Variants in KIAA0825 observed in about 807,000 individuals in gnomAD.
The protein encoded by KIAA0825 is KIAA0825.
In KIAA0825, 119 loss-of-function variants were observed where a neutral mutation model predicts 147.6. The ratio of observed to expected loss-of-function variants is 0.81; its 90% confidence interval spans 0.69 to 0.94. KIAA0825 has a LOEUF of 0.94. Among genes scored for constraint, KIAA0825 ranks in the 40% least tolerant of loss-of-function variants. KIAA0825 has a pLI of 0.00. For missense variants in KIAA0825, 1,381 were observed against 1,472.7 expected (o/e 0.94, Z 1.02); for synonymous variants, 470 against 518.1 (o/e 0.91, Z 1.26).
At chr5:94,208,071 TA>T (rs1346513681) in intron 20 of KIAA0825, among the ~76,000 whole-genome samples, 1 of 152,204 alleles carries the variant, frequency 6.6e-6, no homozygotes, top group Non-Finnish European at 1.5e-5. Flanking sequence ...TAAGGTCATT[TA>T]TTTTTTCCAG....
Position 94,473,495 on chromosome 5 carries a change from T to C in KIAA0825, c.1252A>G (p.Arg418Gly), listed in dbSNP as rs1431848011. The C allele has an allele frequency of 2.6e-6, 4 of 1,551,504 alleles. No homozygotes were observed. The highest frequency in any genetic ancestry group is 2.6e-6 in the Non-Finnish European group (3 of 1,146,820). The part of the protein sequence containing the change: ...KEATLLDFGW[R>G]SAFKEVSLPM... ...AGAGACACTTCTTTAAATGCACTTCTCCAGCCAAAATCTAGTAAGGTAGCC... is the reference window on the plus strand; with the variant it reads ...AGAGACACTTCTTTAAATGCACTTCCCCAGCCAAAATCTAGTAAGGTAGCC... Residue 418 changes from arginine (R) to glycine (G), a missense_variant, in exon 8 of 21, where the codon AGA becomes GGA. Transcript: ENST00000682413.
intron 20 of KIAA0825, among the ~76,000 whole-genome samples, chr5:94,379,532 A>G (rs1000991378): frequency 3.9e-5 from 6 of 152,158 alleles, no homozygotes; most frequent in African/African-American, 1.4e-4. Flanking sequence ...GTCAGGTAAC[A>G]TGATACCTCC....
At chr5:94,478,451 T>TCACACACACACACACA (rs6149119) in intron 6 of KIAA0825, among the ~76,000 whole-genome samples, 1,555 of 146,200 alleles carry the variant, frequency 0.011, 26 homozygotes, top group African/African-American at 0.035. Context: ...CACATGTGCA[T>TCACACACACACACACA]CACACACACA....
chr5:94,574,371 C>T (rs1780563463), intron 2 of KIAA0825, among the ~76,000 whole-genome samples: 2 of 151,804 alleles, frequency 1.3e-5, no homozygotes, highest in Non-Finnish European at 2.9e-5. Flanking sequence ...AGTGAAACCC[C>T]ATCTCCACTA....
intron 1 of KIAA0825, among the ~76,000 whole-genome samples, chr5:94,595,612 T>A (rs1561370916): frequency 6.6e-6 from 1 of 152,226 alleles, no homozygotes; most frequent in East Asian, 1.9e-4. Flanking sequence ...CCTCGTTACT[T>A]ACGCAAATTT....
intron 20 of KIAA0825, among the ~76,000 whole-genome samples, chr5:94,383,308 C>A (rs113726155): frequency 1.3e-5 from 2 of 152,170 alleles, no homozygotes; most frequent in Non-Finnish European, 2.9e-5. Context: ...TAAGCTATAG[C>A]TTTTATTGGC....
At chr5:94,215,994 T>C (rs1015644251) in intron 20 of KIAA0825, among the ~76,000 whole-genome samples, 3 of 152,140 alleles carry the variant, frequency 2.0e-5, no homozygotes, top group Admixed American at 1.3e-4. Context: ...TAGTACTTAT[T>C]ATCTCACTGC....
intron 20 of KIAA0825, among the ~76,000 whole-genome samples, chr5:94,350,553 CCAA>C (rs1783542568): frequency 6.6e-6 from 1 of 152,128 alleles, no homozygotes; most frequent in South Asian, 2.1e-4. Flanking sequence ...CTAACCGAAT[CCAA>C]CAACATATCA....
At chr5:94,590,880 T>A (rs1188040136) in intron 1 of KIAA0825, among the ~76,000 whole-genome samples, 1 of 152,198 alleles carries the variant, frequency 6.6e-6, no homozygotes, top group Non-Finnish European at 1.5e-5. Context: ...TTTAAAAACA[T>A]TTCCATAATC....
intron 20 of KIAA0825, among the ~76,000 whole-genome samples, chr5:94,194,849 C>T (rs901473193): frequency 6.6e-6 from 1 of 152,192 alleles, no homozygotes; most frequent in Non-Finnish European, 1.5e-5. Context: ...CATTTAATCA[C>T]TTCTGTCTTG....
chr5:94,607,164 T>C (rs1442106591), intron 1 of KIAA0825, among the ~76,000 whole-genome samples: 2 of 152,142 alleles, frequency 1.3e-5, no homozygotes, highest in Non-Finnish European at 2.9e-5. Flanking sequence ...ATAGAAAGTA[T>C]GAAGTTATAT....
chr5:94,197,167 G>A (rs967353559), intron 20 of KIAA0825, among the ~76,000 whole-genome samples: 1 of 152,148 alleles, frequency 6.6e-6, no homozygotes, highest in Admixed American at 6.5e-5. Context: ...ATTCTGACTG[G>A]TGTGAGATAG....
At chr5:94,566,069 C>T (rs1243062804) in intron 2 of KIAA0825, among the ~76,000 whole-genome samples, 1 of 152,118 alleles carries the variant, frequency 6.6e-6, no homozygotes, top group African/African-American at 2.4e-5. Context: ...GTGTAATGTC[C>T]TCCAGGTTCA....
chr5:94,367,084 C>T (rs574697476), intron 20 of KIAA0825, among the ~76,000 whole-genome samples: 5 of 152,316 alleles, frequency 3.3e-5, no homozygotes, highest in African/African-American at 7.2e-5. Flanking sequence ...TGGGCCAGTA[C>T]AAACATGCCA....
chr5:94,563,959 A>G (rs1202846940), intron 2 of KIAA0825, among the ~76,000 whole-genome samples: 3 of 152,172 alleles, frequency 2.0e-5, no homozygotes. Context: ...TGCTGGGATT[A>G]CAGGCGTGAG....
At chr5:94,611,329 T>C (rs1371206645) in intron 1 of KIAA0825, among the ~76,000 whole-genome samples, 2 of 152,102 alleles carry the variant, frequency 1.3e-5, no homozygotes, top group Non-Finnish European at 2.9e-5. Flanking sequence ...TTAATCTAAA[T>C]CAGTTGTTTT....
At chr5:94,352,248 A>G (rs906752621) in intron 20 of KIAA0825, among the ~76,000 whole-genome samples, 1 of 152,248 alleles carries the variant, frequency 6.6e-6, no homozygotes, top group African/African-American at 2.4e-5. Context: ...CCCATCAAAA[A>G]GCGGGCTAAG....
At chr5:94,595,342 A>C (rs1785090787) in intron 1 of KIAA0825, among the ~76,000 whole-genome samples, 1 of 152,170 alleles carries the variant, frequency 6.6e-6, no homozygotes, top group South Asian at 2.1e-4. Flanking sequence ...CAGGCTGATA[A>C]CCATGTGTCA....
intron 20 of KIAA0825, among the ~76,000 whole-genome samples, chr5:94,233,835 T>C (rs576046376): frequency 6.6e-6 from 1 of 152,370 alleles, no homozygotes; most frequent in Admixed American, 6.5e-5. Flanking sequence ...TCAGTGATTT[T>C]ATTTCTCCAA....
Sources: gnomAD v4.1 joint callset for allele counts (sites outside exome capture counted in the v4.1 genomes callset) on GRCh38, gnomAD v4.1.1 for gene constraint, MANE v1.5 for transcripts, NCBI Gene and HGNC (gene_info 2026-07-23, HGNC 2026-07-21) for gene names.